Variants in ARHGEF10L observed in about 807,000 individuals in gnomAD.
ARHGEF10L encodes the protein rho guanine nucleotide exchange factor 10-like protein.
A neutral mutation model predicts 141.2 loss-of-function variants in ARHGEF10L; 69 were observed. That is an observed-to-expected ratio of 0.49 (90% CI 0.40 to 0.60). ARHGEF10L has a LOEUF of 0.60. Among genes scored for constraint, ARHGEF10L ranks in the 20% least tolerant of loss-of-function variants. The probability of loss-of-function intolerance (pLI) is 0.00; values close to 1 mark genes in which losing one functional copy is unlikely to be tolerated. For missense variants in ARHGEF10L, 1,482 were observed against 1,734.3 expected (o/e 0.85, Z 2.58); for synonymous variants, 711 against 718.5 (o/e 0.99, Z 0.17).
In ARHGEF10L at chr1:17,607,074, G is replaced by A. The variant is rs973646926; in HGVS notation, c.434-728G>A. Among the ~76,000 whole-genome samples the A allele has an allele frequency of 1.3e-5, 2 of 152,242 alleles. No individual in the cohort carries two copies. Among genetic ancestry groups the A allele is most frequent in the East Asian group, 1.9e-4 (1 of 5,190 alleles). The stretch of plus-strand genomic sequence containing the variant: ...CTGCACGTGAAGTCAGATTTGGGGT[G>A]AGGAGCCCTGAGGCCCCAACAATCT... On this transcript the variant is annotated intron_variant, in intron 6 of 28. Coordinates refer to ENST00000361221, the MANE Select transcript of ARHGEF10L (RefSeq NM_018125.4). This position sits in a 1 kb window ranked among gnomAD's most constrained non-coding sequence, Gnocchi z 4.5.
At chr1:17,632,625 C>T (rs2060766021) in intron 16 of ARHGEF10L, among the ~76,000 whole-genome samples, 159 bp downstream of exon 16, 1 of 152,200 alleles carries the variant, frequency 6.6e-6, no homozygotes, top group Non-Finnish European at 1.5e-5. Context: ...TGCTCTGCCA[C>T]TGGTCCCCAA....
intron 26 of ARHGEF10L, among the ~76,000 whole-genome samples, chr1:17,687,200 G>A (rs981341985): frequency 4.6e-5 from 7 of 152,168 alleles, no homozygotes; most frequent in Non-Finnish European, 8.8e-5. Context: ...AAAGCTCTGA[G>A]GGGCCACTGG....
the ARHGEF10L span, among the ~76,000 whole-genome samples, chr1:17,534,515 C>G: frequency 6.6e-6 from 1 of 152,020 alleles, no homozygotes; most frequent in Non-Finnish European, 1.5e-5. Flanking sequence ...CCCACCTCGG[C>G]CTCCCAAAGT....
Position 17,615,036 on chromosome 1 carries a change from A to G in ARHGEF10L, c.727-1058A>G, listed in dbSNP as rs890472667. 2.0e-5 allele frequency: 3 copies of G among 152,266 alleles called. No homozygotes were observed. The East Asian group carries it at 5.8e-4, about 29-fold the overall frequency. The allele number at this position is 152,266 out of a possible 1,614,324, so 9.4% of individuals were successfully genotyped here. On this transcript the variant is annotated intron_variant, in intron 8 of 28. Transcript: ENST00000361221. The surrounding 1 kb of genome is among the most constrained non-coding windows in gnomAD (Gnocchi z 4.7). Reference sequence around the variant, plus strand: ...AGGTTTTCTTAGGACTGCACTGTCCATTATGATAGCCACGTGGCTCTTTAA... The same window carrying G: ...AGGTTTTCTTAGGACTGCACTGTCCGTTATGATAGCCACGTGGCTCTTTAA...
chr1:17,584,096 G>A (rs1464627162), intron 2 of ARHGEF10L, among the ~76,000 whole-genome samples: 1 of 152,032 alleles, frequency 6.6e-6, no homozygotes, highest in African/African-American at 2.4e-5. Context: ...CCAGGCTGGG[G>A]TGCAGTGGCA....
chr1:17,624,204 C>A (rs1012419692), intron 12 of ARHGEF10L, among the ~76,000 whole-genome samples, 183 bp from the exon 13 acceptor site: 1 of 152,224 alleles, frequency 6.6e-6, no homozygotes, highest in African/African-American at 2.4e-5. Context: ...CTCTGAGCTC[C>A]ATGTCCACAC....
At chr1:17,641,994 A>G (rs932857983) in intron 21 of ARHGEF10L, among the ~76,000 whole-genome samples, 7 of 152,154 alleles carry the variant, frequency 4.6e-5, no homozygotes, top group African/African-American at 1.7e-4. Flanking sequence ...AAAAAAGAAA[A>G]AAAAAAGAAA....
At chr1:17,664,681 C>T in intron 26 of ARHGEF10L, 86 bp downstream of exon 26, 1 of 1,396,962 alleles carries the variant, frequency 7.2e-7, no homozygotes, top group Non-Finnish European at 9.3e-7. Context: ...GCACCGCTTT[C>T]AGCTCCCAGT....
At chr1:17,587,360 G>A in intron 2 of ARHGEF10L, 100 bp from the exon 3 acceptor site, 2 of 1,223,396 alleles carry the variant, frequency 1.6e-6, no homozygotes, top group Non-Finnish European at 2.3e-6. Flanking sequence ...CAGACCTGAG[G>A]TGCTCACCCA....
At chr1:17,601,049 C>CAAAAAAAAAAAAAAAA (rs55806926) in intron 4 of ARHGEF10L, among the ~76,000 whole-genome samples, 1 of 51,138 alleles carries the variant, frequency 2.0e-5, no homozygotes, top group Non-Finnish European at 4.3e-5. Flanking sequence ...GGCTCTGTCT[C>CAAAAAAAAAAAAAAAA]AAAAAAAAAA....
chr1:17,531,406 C>T, the ARHGEF10L span, among the ~76,000 whole-genome samples: 10 of 152,288 alleles, frequency 6.6e-5, no homozygotes, highest in African/African-American at 2.2e-4. Flanking sequence ...GAGCTTAACC[C>T]CTTGAGTTCT....
chr1:17,517,094 T>A, the ARHGEF10L span, among the ~76,000 whole-genome samples: 2 of 152,180 alleles, frequency 1.3e-5, no homozygotes, highest in East Asian at 3.9e-4. Flanking sequence ...GTGTTTACTC[T>A]CCCGTGCTCC....
chr1:17,639,634 C>T lies in ARHGEF10L; in HGVS notation c.2172-568C>T. 2.7e-6 allele frequency: 1 copy of T among 374,104 alleles called. No individual in the cohort carries two copies. The highest frequency in any genetic ancestry group is 5.3e-6 in the Non-Finnish European group (1 of 188,554). 23.2% of individuals were successfully genotyped at this position (374,104 alleles called of 1,614,324 possible). On this transcript the variant is annotated intron_variant, in intron 20 of 28. Transcript: ENST00000361221. This position sits in a 1 kb window ranked among gnomAD's most constrained non-coding sequence, Gnocchi z 4.3. ...ACTGCCCTGCCCACCTCCCAAAGGG[C>T]TGGGAAGGCCCCCACTGCTCTGAGG...
At chr1:17,515,769 A>G in the ARHGEF10L span, among the ~76,000 whole-genome samples, 4 of 151,784 alleles carry the variant, frequency 2.6e-5, no homozygotes, top group African/African-American at 9.7e-5. Context: ...CAGCCTCCTG[A>G]GTAACTGGGA....
At chr1:17,662,928 G>C (rs953445924) in intron 25 of ARHGEF10L, among the ~76,000 whole-genome samples, 2 of 152,126 alleles carry the variant, frequency 1.3e-5, no homozygotes, top group Non-Finnish European at 2.9e-5. Context: ...CTCACAGCTA[G>C]CTGTGTCCTG....
intron 1 of ARHGEF10L, among the ~76,000 whole-genome samples, chr1:17,548,454 T>C (rs2076990889): frequency 6.6e-6 from 1 of 151,850 alleles, no homozygotes; most frequent in Admixed American, 6.6e-5. Flanking sequence ...CTAGGAAATG[T>C]ATGGTAGATA....
intron 26 of ARHGEF10L, among the ~76,000 whole-genome samples, chr1:17,687,009 T>C (rs563945558): frequency 1.3e-5 from 2 of 152,300 alleles, no homozygotes; most frequent in East Asian, 1.9e-4. Flanking sequence ...CTGCTGCTTC[T>C]TGATGTATCA....
intron 6 of ARHGEF10L, chr1:17,604,759 G>C (rs2081018314): frequency 6.6e-6 from 1 of 152,272 alleles, no homozygotes; most frequent in Non-Finnish European, 1.5e-5. Flanking sequence ...GATTCCCACT[G>C]TATTAGGAGG....
intron 13 of ARHGEF10L, among the ~76,000 whole-genome samples, chr1:17,624,943 GCTT>G (rs1411908544): frequency 6.6e-6 from 1 of 152,210 alleles, no homozygotes; most frequent in Non-Finnish European, 1.5e-5. Context: ...GCTTCGAAAA[GCTT>G]CTGAGTTCTC....
Sources: gnomAD v4.1 joint callset for allele counts (sites outside exome capture counted in the v4.1 genomes callset) on GRCh38, gnomAD v4.1.1 for gene constraint, Gnocchi (gnomAD v3.1) non-coding constraint, MANE v1.5 for transcripts, NCBI Gene and HGNC (gene_info 2026-07-23, HGNC 2026-07-21) for gene names.